The following TEAD1 variants were observed in gnomAD, a reference collection of about 807,000 sequenced individuals.
TEAD1 encodes TEA domain transcription factor 1.
TEAD1 carries 9 observed loss-of-function variants against 54.9 expected under a neutral mutation model. The ratio of observed to expected loss-of-function variants is 0.16; its 90% CI spans 0.10 to 0.29. The LOEUF (loss-of-function observed/expected upper bound fraction) is 0.29. Among genes scored for constraint, TEAD1 ranks in the 10% least tolerant of loss-of-function variants. The pLI is 1.00. For synonymous variants in TEAD1, 200 were observed against 187.8 expected (o/e 1.07, Z -0.53); for missense variants, 387 against 535.9 (o/e 0.72, Z 2.74).
intron 12 of TEAD1, among the ~76,000 whole-genome samples, 163 bp from the exon 13 acceptor site, chr11:12,936,946 A>G (rs1442928224): frequency 6.6e-6 from 1 of 152,132 alleles, no homozygotes; most frequent in Non-Finnish European, 1.5e-5. Context: ...TTCAGGTCAT[A>G]GTTGTAGTGT....
intron 3 of TEAD1, among the ~76,000 whole-genome samples, chr11:12,840,246 CA>C (rs1176865272): frequency 3.2e-5 from 1 of 31,588 alleles, no homozygotes; most frequent in Non-Finnish European, 5.4e-5. Context: ...GACTCTGCCT[CA>C]AAAAAAAAAA....
intron 3 of TEAD1, among the ~76,000 whole-genome samples, chr11:12,839,080 C>T (rs1197548946): frequency 6.6e-6 from 1 of 151,046 alleles, no homozygotes; most frequent in Non-Finnish European, 1.5e-5. Context: ...TCTTTTTTCT[C>T]AAAACAATAT....
intron 2 of TEAD1, among the ~76,000 whole-genome samples, chr11:12,732,170 G>A (rs190435934): frequency 1.1e-4 from 16 of 151,414 alleles, no homozygotes; most frequent in African/African-American, 1.7e-4. Context: ...TATATCCTTT[G>A]AGATAGTATC....
At chr11:12,920,252 C>T (rs964676632) in intron 10 of TEAD1, among the ~76,000 whole-genome samples, 7 of 152,128 alleles carry the variant, frequency 4.6e-5, no homozygotes, top group East Asian at 1.9e-4. Context: ...CATGGAACCT[C>T]GTACAGACAG....
intron 2 of TEAD1, among the ~76,000 whole-genome samples, chr11:12,695,050 A>G (rs1216773976): frequency 6.6e-6 from 1 of 152,254 alleles, no homozygotes; most frequent in Non-Finnish European, 1.5e-5. Context: ...AGCAAATGCA[A>G]AAGTTTGCCT....
intron 2 of TEAD1, among the ~76,000 whole-genome samples, chr11:12,752,969 A>G (rs530774671): frequency 7.9e-5 from 12 of 151,360 alleles, no homozygotes; most frequent in Non-Finnish European, 1.5e-4. Flanking sequence ...CCTCTGGGGT[A>G]GCTGGGACTA....
At chr11:12,772,207 T>G (rs191848870) in intron 3 of TEAD1, among the ~76,000 whole-genome samples, 150 of 152,322 alleles carry the variant, frequency 9.8e-4, no homozygotes, top group Admixed American at 8.9e-3. Flanking sequence ...GAGGGAACAT[T>G]ACCATGACCA....
chr11:12,837,175 A>G (rs1946909798), intron 3 of TEAD1, among the ~76,000 whole-genome samples: 1 of 152,256 alleles, frequency 6.6e-6, no homozygotes, highest in Admixed American at 6.5e-5. Context: ...GTTGAGAGTA[A>G]AAGGGACGGT....
chr11:12,818,351 TAA>T (rs1214562947), intron 3 of TEAD1, among the ~76,000 whole-genome samples: 1 of 152,206 alleles, frequency 6.6e-6, no homozygotes, highest in Non-Finnish European at 1.5e-5. Flanking sequence ...ACTATTTTTA[TAA>T]AGAGTTTATA....
intron 2 of TEAD1, among the ~76,000 whole-genome samples, chr11:12,731,012 A>G (rs572805000): frequency 2.0e-5 from 3 of 152,150 alleles, no homozygotes; most frequent in African/African-American, 7.2e-5. Flanking sequence ...CCTTTCCTAC[A>G]TAGTTCTAAC....
intron 2 of TEAD1, among the ~76,000 whole-genome samples, chr11:12,731,769 T>C (rs1309963767): frequency 6.6e-6 from 1 of 152,156 alleles, no homozygotes; most frequent in African/African-American, 2.4e-5. Flanking sequence ...AGCCTAAGAC[T>C]CCAGCCTGAA....
chr11:12,851,144 C>G, intron 3 of TEAD1: 1 of 938,768 alleles, frequency 1.1e-6, no homozygotes, highest in South Asian at 4.9e-5. Flanking sequence ...AAGAAAAAAA[C>G]TATTTCATGA....
intron 3 of TEAD1, among the ~76,000 whole-genome samples, chr11:12,825,379 G>T (rs1946631127): frequency 6.6e-6 from 1 of 152,154 alleles, no homozygotes; most frequent in Admixed American, 6.5e-5. Flanking sequence ...CGACTAATGA[G>T]TTCAGCAACC....
At chr11:12,926,598 C>T (rs1191535779) in intron 11 of TEAD1, among the ~76,000 whole-genome samples, 1 of 152,048 alleles carries the variant, frequency 6.6e-6, no homozygotes, top group East Asian at 1.9e-4. Flanking sequence ...ACTTGGATGA[C>T]AGGTAAAGAC....
chr11:12,720,935 A>C (rs971559002), intron 2 of TEAD1, among the ~76,000 whole-genome samples: 1 of 152,164 alleles, frequency 6.6e-6, no homozygotes, highest in Non-Finnish European at 1.5e-5. Flanking sequence ...CCTCTGGGCA[A>C]CTTCTCAGAA....
intron 3 of TEAD1, among the ~76,000 whole-genome samples, chr11:12,856,752 A>T (rs1156863703): frequency 1.3e-5 from 2 of 152,174 alleles, no homozygotes; most frequent in African/African-American, 4.8e-5. Context: ...GGGCCAGCAG[A>T]TGTTTCCTTA....
intron 9 of TEAD1, among the ~76,000 whole-genome samples, chr11:12,899,606 C>A (rs1438763779): frequency 6.6e-6 from 1 of 152,198 alleles, no homozygotes; most frequent in Non-Finnish European, 1.5e-5. Flanking sequence ...TTCCCTAACA[C>A]AATGGCTTTT....
chr11:12,929,611 T>C (rs1948976533), intron 11 of TEAD1, among the ~76,000 whole-genome samples: 1 of 152,182 alleles, frequency 6.6e-6, no homozygotes, highest in African/African-American at 2.4e-5. Context: ...TAATTCCTTT[T>C]GATCCAAGGT....
chr11:12,850,155 G>C (rs769531569), intron 3 of TEAD1, among the ~76,000 whole-genome samples: 16 of 152,204 alleles, frequency 1.1e-4, no homozygotes, highest in Non-Finnish European at 1.9e-4. Context: ...AAAGAACTGG[G>C]CCAGGTGTGG....
Sources: gnomAD v4.1 joint callset for allele counts (sites outside exome capture counted in the v4.1 genomes callset) on GRCh38, gnomAD v4.1.1 for gene constraint, MANE v1.5 for transcripts, NCBI Gene and HGNC (gene_info 2026-07-23, HGNC 2026-07-21) for gene names.